Variants in USP46 observed in about 807,000 individuals in gnomAD.
USP46 encodes ubiquitin specific peptidase 46, also known as ubiquitin carboxyl-terminal hydrolase 46.
In USP46, 12 loss-of-function variants were observed where a neutral mutation model predicts 44.4. That is an observed-to-expected ratio of 0.27 (90% CI 0.17 to 0.44). USP46 has a LOEUF of 0.44. USP46 is among the 20% of genes least tolerant of loss of function. The probability of loss-of-function intolerance (pLI) is 1.00; values close to 1 mark genes in which losing one functional copy is unlikely to be tolerated. For missense variants in USP46, 248 were observed against 444.8 expected (o/e 0.56, Z 3.98); for synonymous variants, 155 against 161.5 (o/e 0.96, Z 0.31).
intron 1 of USP46, among the ~76,000 whole-genome samples, chr4:52,654,526 T>C (rs1273187436): frequency 6.6e-6 from 1 of 152,230 alleles, no homozygotes; most frequent in African/African-American, 2.4e-5. Flanking sequence ...GATAACTTCA[T>C]TTATTTATAT....
rs1200771576 is a variant in USP46, at chr4:52,596,665, A to G, written c.*975T>C. 1.3e-5 allele frequency: 2 copies of G among 152,374 alleles called. No individual in the cohort carries two copies. The highest frequency in any genetic ancestry group is 4.8e-5 in the African/African-American group (2 of 41,454). 9.4% of individuals were successfully genotyped at this position (152,374 alleles called of 1,614,324 possible). ...ACTATGTTAAAAAGTTAAGTTGTAC[A>G]ACGTGCTGATGGCTGGAAAGATGTA... On this transcript the variant is annotated 3_prime_UTR_variant, in exon 9 of 9. Transcript: ENST00000441222.
intron 1 of USP46, among the ~76,000 whole-genome samples, chr4:52,638,282 GC>G (rs1256147380): frequency 4.6e-5 from 7 of 152,062 alleles, no homozygotes; most frequent in African/African-American, 1.7e-4. Context: ...ATGCCATGCT[GC>G]TGGCCTTGAA....
chr4:52,631,645 G>A (rs141396569), intron 1 of USP46, among the ~76,000 whole-genome samples: 46 of 152,282 alleles, frequency 3.0e-4, no homozygotes, highest in African/African-American at 9.1e-4. Flanking sequence ...CTGCTCTCAT[G>A]GATTTCACAT....
At chr4:52,644,385 G>A (rs1335640170) in intron 1 of USP46, among the ~76,000 whole-genome samples, 2 of 152,138 alleles carry the variant, frequency 1.3e-5, no homozygotes, top group African/African-American at 4.8e-5. Flanking sequence ...ATGACAACAT[G>A]TCACTTCTAT....
intron 1 of USP46, chr4:52,656,199 T>C (rs1718939855): frequency 4.8e-6 from 6 of 1,245,792 alleles, no homozygotes; most frequent in Non-Finnish European, 6.9e-6. Context: ...TTACTACAAC[T>C]ACTCAAACCA....
At chr4:52,640,291 G>A (rs567208462) in intron 1 of USP46, among the ~76,000 whole-genome samples, 18 of 152,182 alleles carry the variant, frequency 1.2e-4, no homozygotes, top group Non-Finnish European at 2.1e-4. Flanking sequence ...GCCCTGCGAC[G>A]TGCCTGGCTC....
intron 1 of USP46, among the ~76,000 whole-genome samples, chr4:52,647,584 C>T (rs780380749): frequency 2.0e-5 from 3 of 152,216 alleles, no homozygotes; most frequent in Non-Finnish European, 4.4e-5. Context: ...ACAGAATGTG[C>T]TCTCATTCTC....
intron 1 of USP46, chr4:52,658,412 G>T (rs1050372910): frequency 2.6e-6 from 1 of 378,166 alleles, no homozygotes; most frequent in South Asian, 1.9e-5. Context: ...TAGGTCTACA[G>T]CGGATCAGGC....
chr4:52,635,528 C>G (rs1361003130), intron 1 of USP46, among the ~76,000 whole-genome samples: 1 of 152,148 alleles, frequency 6.6e-6, no homozygotes, highest in Non-Finnish European at 1.5e-5. Flanking sequence ...CCCCTTGACC[C>G]TTCTCACTGG....
At chr4:52,614,300 C>T (rs191208247) in intron 4 of USP46, among the ~76,000 whole-genome samples, 13 of 152,224 alleles carry the variant, frequency 8.5e-5, no homozygotes, top group East Asian at 3.9e-4. Flanking sequence ...TGGTGAAAGA[C>T]ATCCATTAAT....
rs1237582222 is a variant in USP46 at position 52,591,202 on chromosome 4, G to A, written c.*6438C>T. ...ATTTTCCATTTTCTTAGCACAGAAT[G>A]TTCTTTCCAGCAAGGTCCATTAAGA... On this transcript the variant is annotated 3_prime_UTR_variant, in exon 9 of 9. Transcript: ENST00000441222. The A allele has an allele frequency of 6.6e-6, 1 of 152,196 alleles. No individual in the cohort carries two copies. The highest frequency in any genetic ancestry group is 2.4e-5 in the African/African-American group (1 of 41,448). The allele number at this position is 152,196 out of a possible 1,614,324, so 9.4% of individuals were successfully genotyped here. A position where few individuals can be genotyped will look rare whatever the true frequency, so the allele number is the denominator to read the frequency against.
intron 1 of USP46, among the ~76,000 whole-genome samples, chr4:52,646,894 A>G (rs528613783): frequency 1.3e-5 from 2 of 152,370 alleles, no homozygotes; most frequent in East Asian, 3.9e-4. Context: ...TGCTTTGGCA[A>G]GGCTGCAGGC....
At chr4:52,642,773 T>C (rs548101492) in intron 1 of USP46, among the ~76,000 whole-genome samples, 1 of 152,198 alleles carries the variant, frequency 6.6e-6, no homozygotes, top group South Asian at 2.1e-4. Context: ...TAAAAACAAA[T>C]AATGTCAACT....
intron 1 of USP46, among the ~76,000 whole-genome samples, chr4:52,655,925 C>T (rs957701915): frequency 2.0e-5 from 3 of 152,160 alleles, no homozygotes; most frequent in Admixed American, 6.5e-5. Flanking sequence ...TTTCCTATAA[C>T]TAAAACTGGC....
Position 52,598,470 on chromosome 4 carries a change from C to T in USP46, c.999+158G>A, listed in dbSNP as rs1192386913. 3 of 687,116 alleles carry T rather than the reference C, an allele frequency of 4.4e-6. No individual in the cohort carries two copies. In the African/African-American group the frequency reaches 5.4e-5, roughly 12 times the overall value. 42.6% of individuals were successfully genotyped at this position (687,116 alleles called of 1,614,324 possible). ...ACACCCCTTCTCCCTTTCCATGGAG[C>T]ATGGGGATTAGCAGAATTTGGTTTT... On this transcript the variant is annotated intron_variant, in intron 8 of 8. Coordinates refer to ENST00000441222, the MANE Select transcript of USP46 (RefSeq NM_022832.4).
At chr4:52,617,833 C>T (rs1053849385) in intron 4 of USP46, among the ~76,000 whole-genome samples, 2 of 152,164 alleles carry the variant, frequency 1.3e-5, no homozygotes, top group East Asian at 1.9e-4. Context: ...ACTGAAAATA[C>T]AGCTTGTCTC....
At chr4:52,603,528 C>A (rs909321504) in intron 6 of USP46, among the ~76,000 whole-genome samples, 9 of 152,142 alleles carry the variant, frequency 5.9e-5, no homozygotes, top group Non-Finnish European at 1.2e-4. Flanking sequence ...ATAGATTTAA[C>A]TCACAGGAAG....
intron 5 of USP46, among the ~76,000 whole-genome samples, chr4:52,608,648 C>A (rs928144607): frequency 3.9e-5 from 6 of 152,188 alleles, no homozygotes; most frequent in African/African-American, 1.4e-4. Flanking sequence ...AATCCCGCAC[C>A]CCTCCACCCC....
At chr4:52,649,196 T>C (rs1640960142) in intron 1 of USP46, among the ~76,000 whole-genome samples, 1 of 152,210 alleles carries the variant, frequency 6.6e-6, no homozygotes, top group Non-Finnish European at 1.5e-5. Flanking sequence ...AGAATTTCAC[T>C]GGATCCTGAA....
Sources: gnomAD v4.1 joint callset for allele counts (sites outside exome capture counted in the v4.1 genomes callset) on GRCh38, gnomAD v4.1.1 for gene constraint, MANE v1.5 for transcripts, NCBI Gene and HGNC (gene_info 2026-07-23, HGNC 2026-07-21) for gene names.